ZNF536: variants seen among roughly 807,000 people sequenced by gnomAD.
The protein encoded by ZNF536 is zinc finger protein 536.
ZNF536 carries 13 observed loss-of-function variants against 84.5 expected under a neutral mutation model. The observed-to-expected ratio is 0.15, with a 90% CI of 0.10 to 0.24. The LOEUF (loss-of-function observed/expected upper bound fraction) is 0.24, where lower values mean the gene tolerates loss of function less well. Ranked by LOEUF, ZNF536 falls within the 10% of genes least tolerant of loss-of-function variation. The pLI, the probability that ZNF536 is intolerant of heterozygous loss-of-function variation, is 1.00. For synonymous variants in ZNF536, 811 were observed against 742.5 expected, an observed-to-expected ratio of 1.09 and a Z score of -1.50; for missense variants, 1,536 against 1,747.5, an observed-to-expected ratio of 0.88 and a Z score of 2.16.
intron 3 of ZNF536, among the ~76,000 whole-genome samples, chr19:30,536,362 C>T (rs1302365599): frequency 1.3e-5 from 2 of 152,092 alleles, no homozygotes; most frequent in African/African-American, 4.8e-5. Flanking sequence ...AGAGGCTGCC[C>T]CTGACTATCC....
At chr19:30,533,559 T>A (rs2052060105) in intron 2 of ZNF536, among the ~76,000 whole-genome samples, 1 of 152,194 alleles carries the variant, frequency 6.6e-6, no homozygotes, top group African/African-American at 2.4e-5. Flanking sequence ...GTCCTTCATC[T>A]TTCTCATGGT....
rs571055106 is a variant in ZNF536 at position 30,389,699 on chromosome 19, G to A, written c.-3+17143G>A. Among the ~76,000 whole-genome samples the A allele has an allele frequency of 2.1e-4, 32 of 152,240 alleles. 1 individual carries two copies. The highest frequency in any genetic ancestry group is 7.2e-4 in the African/African-American group (30 of 41,524). ...GTCCTTTGGGTGAAGAAGTGGTGGT[G>A]CCCTTGGCTCCTGAATCCTAGCAGA... On this transcript the variant is annotated intron_variant, in intron 1 of 4. Transcript: ENST00000355537.
intron 1 of ZNF536, among the ~76,000 whole-genome samples, chr19:30,663,254 G>T (rs1207402484): frequency 1.3e-5 from 2 of 152,074 alleles, no homozygotes; most frequent in East Asian, 3.9e-4. Context: ...TTAAGAAAAT[G>T]CAGACAAACC....
chr19:30,495,113 T>C (rs116093281), intron 2 of ZNF536, among the ~76,000 whole-genome samples: 2,029 of 152,322 alleles, frequency 0.013, 51 homozygotes, highest in African/African-American at 0.046. Flanking sequence ...TGCTGTGGTA[T>C]TGGGACACCA....
At chr19:30,495,145 C>A (rs533904136) in intron 2 of ZNF536, among the ~76,000 whole-genome samples, 1 of 152,222 alleles carries the variant, frequency 6.6e-6, no homozygotes, top group African/African-American at 2.4e-5. Flanking sequence ...TAAACACTAC[C>A]TTTCACATAG....
At chr19:30,459,342 C>T (rs1600827012) in intron 2 of ZNF536, among the ~76,000 whole-genome samples, 3 of 122,058 alleles carry the variant, frequency 2.5e-5, no homozygotes, top group African/African-American at 3.1e-5. Flanking sequence ...TTCTTTCCTT[C>T]TTTCTTTCTC....
At chr19:30,468,923 G>A (rs537291550) in intron 2 of ZNF536, among the ~76,000 whole-genome samples, 8 of 152,116 alleles carry the variant, frequency 5.3e-5, no homozygotes, top group African/African-American at 1.4e-4. Flanking sequence ...GTCCAGAGGC[G>A]ATGAGGATTG....
At chr19:30,594,863 G>C (rs1256437405) in intron 1 of ZNF536, among the ~76,000 whole-genome samples, 1 of 152,072 alleles carries the variant, frequency 6.6e-6, no homozygotes, top group Non-Finnish European at 1.5e-5. Flanking sequence ...TGGATGTAAG[G>C]TGTGGGATTC....
intron 1 of ZNF536, among the ~76,000 whole-genome samples, chr19:30,696,743 C>T (rs574496831): frequency 6.6e-6 from 1 of 152,316 alleles, no homozygotes; most frequent in African/African-American, 2.4e-5. Flanking sequence ...CTGAAGCCAA[C>T]ACCTGGTGGG....
At chr19:30,231,155 T>C (rs1309297639) in intron 1 of ZNF536, among the ~76,000 whole-genome samples, 1 of 152,242 alleles carries the variant, frequency 6.6e-6, no homozygotes, top group Non-Finnish European at 1.5e-5. Context: ...AAGTGAGACT[T>C]GATGCAAATT....
At chr19:30,635,268 T>C (rs1244201002) in intron 1 of ZNF536, among the ~76,000 whole-genome samples, 1 of 152,220 alleles carries the variant, frequency 6.6e-6, no homozygotes, top group African/African-American at 2.4e-5. Flanking sequence ...GATGGTGCAG[T>C]GTTGGCACAG....
chr19:30,423,964 C>T (rs2051100212), intron 1 of ZNF536, among the ~76,000 whole-genome samples: 1 of 152,164 alleles, frequency 6.6e-6, no homozygotes, highest in African/African-American at 2.4e-5. Context: ...AGACAGGGGG[C>T]AAGTTTCCCA....
intron 3 of ZNF536, among the ~76,000 whole-genome samples, chr19:30,535,635 C>T (rs994838528): frequency 2.0e-5 from 3 of 151,996 alleles, no homozygotes; most frequent in South Asian, 2.1e-4. Context: ...TCATACTGGA[C>T]GAGGACTGGC....
At chr19:30,710,167 C>T (rs1249252565) in intron 1 of ZNF536, among the ~76,000 whole-genome samples, 1 of 152,118 alleles carries the variant, frequency 6.6e-6, no homozygotes, top group Admixed American at 6.5e-5. Flanking sequence ...AAATCTGGGA[C>T]TATTTATTAT....
Position 30,449,979 on chromosome 19 carries a change from C to T in ZNF536, c.2170+4247C>T, listed in dbSNP as rs925481926. 5.9e-5 allele frequency among the ~76,000 whole-genome samples: 9 copies of T among 151,420 alleles called. No individual in the cohort carries two copies. In the East Asian group the frequency reaches 9.7e-4, roughly 16 times the overall value. ...CCTCCCTGCCCCCGTTCACGATAAC[C>T]GGTGCCTGCTCCACACACAAACAAA... On this transcript the variant is annotated intron_variant, in intron 2 of 4. Coordinates refer to ENST00000355537, the MANE Select transcript of ZNF536 (RefSeq NM_014717.3).
intron 3 of ZNF536, among the ~76,000 whole-genome samples, chr19:30,357,116 G>C (rs1287055184): frequency 1.3e-5 from 2 of 152,234 alleles, no homozygotes; most frequent in Non-Finnish European, 2.9e-5. Flanking sequence ...ACATCACAGA[G>C]CAATAAATGC....
downstream of ZNF536, among the ~76,000 whole-genome samples, chr19:30,561,625 G>A (rs921847912): frequency 6.6e-6 from 1 of 152,196 alleles, no homozygotes; most frequent in African/African-American, 2.4e-5. Flanking sequence ...AGTACTGCAG[G>A]ACCATGGGGG....
chr19:30,644,217 G>A (rs1180651777), intron 1 of ZNF536, among the ~76,000 whole-genome samples: 1 of 152,094 alleles, frequency 6.6e-6, no homozygotes, highest in Non-Finnish European at 1.5e-5. Context: ...ATGCTTAGCT[G>A]TTTCTCTTTA....
intron 1 of ZNF536, among the ~76,000 whole-genome samples, chr19:30,388,885 AC>A: frequency 6.6e-6 from 1 of 152,310 alleles, no homozygotes; most frequent in Middle Eastern, 3.4e-3. Context: ...TCTCATTCAG[AC>A]AGCTGGCAAT....
Sources: allele counts gnomAD v4.1 joint callset (sites outside exome capture counted in the v4.1 genomes callset), GRCh38; gene constraint gnomAD v4.1.1; transcripts MANE v1.5; gene names NCBI Gene and HGNC (gene_info 2026-07-23, HGNC 2026-07-21).